Variants in ZNF398 observed in about 807,000 individuals in gnomAD.
ZNF398 encodes the protein zinc finger DNA binding protein ZER6.
In ZNF398, 18 loss-of-function variants were observed where a neutral mutation model predicts 41.9. That is an observed-to-expected ratio of 0.43 (90% confidence interval 0.30 to 0.64). The LOEUF (loss-of-function observed/expected upper bound fraction) is 0.64. Among genes scored for constraint, ZNF398 ranks in the 30% least tolerant of loss-of-function variants. The probability of loss-of-function intolerance (pLI) is 0.14; values close to 1 mark genes in which losing one functional copy is unlikely to be tolerated. For missense variants in ZNF398, 669 were observed against 822.8 expected, an observed-to-expected ratio of 0.81 and a Z score of 2.29; for synonymous variants, 260 against 308.8, an observed-to-expected ratio of 0.84 and a Z score of 1.66.
chr7:149,166,360 G>T, intron 3 of ZNF398, 76 bp downstream of exon 3: 1 of 1,559,694 alleles, frequency 6.4e-7, no homozygotes. Context: ...TTTTCCTCCA[G>T]TGACCTCATT....
chr7:149,171,863 A>T (rs1795350173), intron 4 of ZNF398, among the ~76,000 whole-genome samples: 1 of 152,054 alleles, frequency 6.6e-6, no homozygotes, highest in Non-Finnish European at 1.5e-5. Context: ...GAGATGGGGT[A>T]TAGCCATGTT....
At position 149,147,592 on chromosome 7, in the gene ZNF398, C is replaced by A; in HGVS notation, c.-151C>A. 1.1e-6 allele frequency: 1 copy of A among 877,580 alleles called. No homozygotes were observed. The highest frequency in any genetic ancestry group is 1.5e-6 in the Non-Finnish European group (1 of 677,794). 54.4% of individuals were successfully genotyped at this position (877,580 alleles called of 1,614,324 possible). ...TCCTGCGCGTCCCGAGCCCCGACGG[C>A]CGCGTGAGTCCCGTCCGTGCGGGGA... On this transcript the variant is annotated 5_prime_UTR_variant, in exon 1 of 6. Transcript: ENST00000475153. This position sits in a 1 kb window ranked among gnomAD's most constrained non-coding sequence, Gnocchi z 5.6.
chr7:149,156,464 C>CACT (rs949531287), intron 2 of ZNF398, among the ~76,000 whole-genome samples: 25 of 129,954 alleles, frequency 1.9e-4, no homozygotes, highest in Non-Finnish European at 3.0e-4. Flanking sequence ...GAGATCACGC[C>CACT]ACTGCACTCC....
intron 4 of ZNF398, among the ~76,000 whole-genome samples, chr7:149,175,101 G>A (rs942349993): frequency 1.3e-5 from 2 of 152,146 alleles, no homozygotes; most frequent in Non-Finnish European, 2.9e-5. Context: ...ATAACCGATG[G>A]TCGTTTGGGC....
intron 2 of ZNF398, among the ~76,000 whole-genome samples, chr7:149,136,965 C>T (rs1162184654): frequency 6.7e-6 from 1 of 150,364 alleles, no homozygotes; most frequent in Non-Finnish European, 1.5e-5. Flanking sequence ...TTTCTGGGTT[C>T]AAGTGATTCT....
At chr7:149,167,022 C>A in intron 4 of ZNF398, 92 bp downstream of exon 4, 1 of 791,674 alleles carries the variant, frequency 1.3e-6, no homozygotes, top group Non-Finnish European at 2.0e-6. Flanking sequence ...GCTTCTAGAG[C>A]CATTCATTGC....
chr7:149,179,836 T>C lies in ZNF398; in HGVS notation c.*35T>C, dbSNP rs766804524. 6.6e-7 allele frequency: 1 copy of C among 1,521,144 alleles called. No homozygotes were observed. Among genetic ancestry groups the C allele is most frequent in the Non-Finnish European group, 8.8e-7 (1 of 1,132,624 alleles). 94.2% of individuals were successfully genotyped at this position (1,521,144 alleles called of 1,614,324 possible). On this transcript the variant is annotated 3_prime_UTR_variant, in exon 6 of 6. Coordinates refer to ENST00000475153, the MANE Select transcript of ZNF398 (RefSeq NM_170686.3). This position sits in a 1 kb window ranked among gnomAD's most constrained non-coding sequence, Gnocchi z 6.1. ...TCTGTGGCTTCATGCTTGTATATGCTCACAGCAGGGCACAAAATCCAAGAG... is the reference window on the plus strand; with the variant it reads ...TCTGTGGCTTCATGCTTGTATATGCCCACAGCAGGGCACAAAATCCAAGAG...
intron 4 of ZNF398, among the ~76,000 whole-genome samples, chr7:149,169,214 A>C (rs975260220): frequency 2.0e-5 from 3 of 152,138 alleles, no homozygotes; most frequent in African/African-American, 7.2e-5. Context: ...CCCCCTGAGT[A>C]GCTGGGACTA....
chr7:149,135,554 C>T (rs1248947484), intron 2 of ZNF398, among the ~76,000 whole-genome samples: 1 of 151,964 alleles, frequency 6.6e-6, no homozygotes, highest in Non-Finnish European at 1.5e-5. Context: ...ACACTGGATG[C>T]TGCTGCGTAC....
intron 2 of ZNF398, among the ~76,000 whole-genome samples, chr7:149,133,044 G>A (rs1333164611): frequency 1.3e-5 from 2 of 151,640 alleles, no homozygotes; most frequent in African/African-American, 4.8e-5. Context: ...ACAACCAGAG[G>A]TCACTCTGAT....
chr7:149,179,248 A>T lies in ZNF398; in HGVS notation c.1376A>T (p.Gln459Leu), dbSNP rs759181830. 6.2e-7 allele frequency: 1 copy of T among 1,613,306 alleles called. No individual in the cohort carries two copies. The stretch of plus-strand genomic sequence containing the variant: ...AGCGAAAGGCCCTTCCGCTGTGCCC[A>T]GTGCGGCAGGAGCTTCAGCTTGAAA... ...HASERPFRCA[Q>L]CGRSFSLKIS... The change falls in exon 6 of 6, where the codon CAG becomes CTG. Residue 459 changes from glutamine to leucine, a missense_variant. Physicochemically the swap from Gln to Leu is moderately radical, Grantham distance 113. This residue lies in a region of ZNF398 where 210 missense variants were observed against 290.4 expected (regional missense o/e 0.72). Transcript: ENST00000475153. The surrounding 1 kb of genome is among the most constrained non-coding windows in gnomAD (Gnocchi z 6.1).
At chr7:149,164,515 A>T (rs1356717094) in intron 2 of ZNF398, among the ~76,000 whole-genome samples, 2 of 152,236 alleles carry the variant, frequency 1.3e-5, no homozygotes, top group East Asian at 3.8e-4. Flanking sequence ...ATGAAACTAG[A>T]GGCAGCAAGA....
intron 2 of ZNF398, among the ~76,000 whole-genome samples, chr7:149,155,707 A>ATATATATTTTTTTT (rs1794954712): frequency 4.1e-5 from 3 of 73,578 alleles, no homozygotes; most frequent in Non-Finnish European, 7.2e-5. Context: ...ATATATATAT[A>ATATATATTTTTTTT]TTTTTTTTTT....
chr7:149,171,561 G>A (rs1002724867), intron 4 of ZNF398, among the ~76,000 whole-genome samples: 4 of 151,732 alleles, frequency 2.6e-5, no homozygotes, highest in African/African-American at 7.3e-5. Flanking sequence ...TATTAGAGAC[G>A]AGGTTTCACC....
chr7:149,153,986 C>T lies in ZNF398; in HGVS notation c.66C>T (p.Pro22=), dbSNP rs748654462. 3.7e-6 allele frequency: 6 copies of T among 1,613,932 alleles called. No homozygotes were observed. The South Asian group carries it at 4.4e-5, about 12-fold the overall frequency. ...CCGAGTGCCTTACATCCCTGCAGCC[C>T]CTTCCTCTTCCTACACCCCCAGCAG... The part of the protein sequence containing the change: ...WDSECLTSLQ[P]LPLPTPPAAN... Residue 22 remains proline (P), a synonymous_variant, in exon 2 of 6, where the codon CCC becomes CCT. Transcript: ENST00000475153.
chr7:149,130,777 T>G (rs903048390), intron 2 of ZNF398, among the ~76,000 whole-genome samples: 1 of 152,076 alleles, frequency 6.6e-6, no homozygotes, highest in Non-Finnish European at 1.5e-5. Context: ...GAAGAAGGCT[T>G]TAATTGGGTG....
intron 5 of ZNF398, among the ~76,000 whole-genome samples, chr7:149,178,442 G>C (rs1795515029): frequency 6.6e-6 from 1 of 152,212 alleles, no homozygotes; most frequent in South Asian, 2.1e-4. Flanking sequence ...AACAGAATGT[G>C]ATCCTGTCAT....
rs1313016999 is a variant in ZNF398, at chr7:149,155,201, C to T, written c.420+861C>T. Reference sequence around the variant, plus strand: ...CTTTGGGAGGCCGAGAAAGGCAGATCACAAGTTCAGGAGTTCAAGACTGGC... The same window carrying T: ...CTTTGGGAGGCCGAGAAAGGCAGATTACAAGTTCAGGAGTTCAAGACTGGC... On this transcript the variant is annotated intron_variant, in intron 2 of 5. Transcript: ENST00000475153. Among the ~76,000 whole-genome samples, 7 of 152,236 alleles carry T rather than the reference C, an allele frequency of 4.6e-5. No homozygotes were observed. In the East Asian group the frequency reaches 1.4e-3, roughly 29 times the overall value.
intron 2 of ZNF398, among the ~76,000 whole-genome samples, chr7:149,138,223 AAG>A (rs987118161): frequency 3.3e-5 from 5 of 151,770 alleles, no homozygotes; most frequent in African/African-American, 7.2e-5. Context: ...GAAAAAAAAA[AAG>A]AAAAAAATTT....
Sources: gnomAD v4.1 joint callset for allele counts (sites outside exome capture counted in the v4.1 genomes callset) on GRCh38, gnomAD v4.1.1 for gene constraint, gnomAD v4.1.1 regional missense constraint, Gnocchi (gnomAD v3.1) non-coding constraint, MANE v1.5 for transcripts, NCBI Gene and HGNC (gene_info 2026-07-23, HGNC 2026-07-21) for gene names.